Variants in ZNF277 observed in about 807,000 individuals in gnomAD.
ZNF277 encodes the protein nuclear receptor-interacting factor 4.
A neutral mutation model predicts 60.7 loss-of-function variants in ZNF277; 55 were observed. That is an observed-to-expected ratio of 0.91 (90% CI 0.73 to 1.13). The LOEUF (loss-of-function observed/expected upper bound fraction) is 1.13. ZNF277 is among the 50% of genes most tolerant of loss of function. ZNF277 has a pLI of 0.00. For missense variants in ZNF277, 510 were observed against 523.0 expected (o/e 0.98, Z 0.24); for synonymous variants, 178 against 179.3 (o/e 0.99, Z 0.06).
chr7:112,282,530 C>T (rs560641217), intron 1 of ZNF277, among the ~76,000 whole-genome samples: 34 of 152,372 alleles, frequency 2.2e-4, no homozygotes, highest in African/African-American at 6.5e-4. Flanking sequence ...TGGGAGGCTT[C>T]GCCTTAACTC....
intron 1 of ZNF277, among the ~76,000 whole-genome samples, chr7:112,244,182 C>A (rs1339200100): frequency 2.6e-5 from 4 of 152,050 alleles, no homozygotes; most frequent in Non-Finnish European, 5.9e-5. Flanking sequence ...CTAATGGGTA[C>A]AATGTACACT....
chr7:112,212,959 G>A (rs1821790823), intron 1 of ZNF277, among the ~76,000 whole-genome samples: 1 of 152,096 alleles, frequency 6.6e-6, no homozygotes, highest in South Asian at 2.1e-4. Context: ...ATAGGCCGTG[G>A]GATGTCAGAG....
At chr7:112,309,311 A>G (rs898962201) in intron 4 of ZNF277, among the ~76,000 whole-genome samples, 1 of 152,080 alleles carries the variant, frequency 6.6e-6, no homozygotes, top group Non-Finnish European at 1.5e-5. Context: ...GACAGATTCA[A>G]GATTATAACC....
chr7:112,269,628 G>A (rs1791624908), intron 1 of ZNF277, among the ~76,000 whole-genome samples: 1 of 152,058 alleles, frequency 6.6e-6, no homozygotes, highest in Non-Finnish European at 1.5e-5. Flanking sequence ...TAAAGAGGAT[G>A]CCTTGGTAGA....
chr7:112,209,004 G>T (rs566898088), intron 1 of ZNF277, among the ~76,000 whole-genome samples: 2 of 152,210 alleles, frequency 1.3e-5, no homozygotes, highest in African/African-American at 4.8e-5. Flanking sequence ...ATAATAAAAA[G>T]GGATAAATCT....
At chr7:112,277,897 T>A (rs753935076) in intron 1 of ZNF277, among the ~76,000 whole-genome samples, 21 of 152,352 alleles carry the variant, frequency 1.4e-4, no homozygotes, top group Non-Finnish European at 2.8e-4. Context: ...AAAACATATG[T>A]TTGACTAAAA....
intron 9 of ZNF277, among the ~76,000 whole-genome samples, chr7:112,338,653 G>T (rs552671405): frequency 6.6e-6 from 1 of 152,226 alleles, no homozygotes; most frequent in East Asian, 1.9e-4. Flanking sequence ...CCTAGAAAGC[G>T]CTCAAAAGAC....
intron 1 of ZNF277, among the ~76,000 whole-genome samples, chr7:112,269,215 T>TG (rs1190494785): frequency 2.6e-5 from 4 of 151,690 alleles, no homozygotes; most frequent in Admixed American, 2.0e-4. Context: ...TTTTTGTTTT[T>TG]TTTTTGTTTG....
chr7:112,247,274 A>C (rs1436279849), intron 1 of ZNF277, among the ~76,000 whole-genome samples: 2 of 152,138 alleles, frequency 1.3e-5, no homozygotes, highest in Non-Finnish European at 2.9e-5. Context: ...TGAGCTCTCT[A>C]CTTGTATTCA....
intron 5 of ZNF277, among the ~76,000 whole-genome samples, chr7:112,325,639 G>GT (rs1793076620): frequency 6.6e-6 from 1 of 152,168 alleles, no homozygotes; most frequent in Non-Finnish European, 1.5e-5. Flanking sequence ...ACATGGGCTT[G>GT]TTCTCTGGGG....
intron 4 of ZNF277, among the ~76,000 whole-genome samples, chr7:112,302,007 CT>C (rs1792482868): frequency 6.6e-6 from 1 of 152,004 alleles, no homozygotes. Context: ...TCAGTTTTTC[CT>C]TTGTCTACAG....
chr7:112,342,140 C>T (rs974119669), intron 11 of ZNF277, among the ~76,000 whole-genome samples: 1 of 152,086 alleles, frequency 6.6e-6, no homozygotes, highest in Non-Finnish European at 1.5e-5. Flanking sequence ...TAAGGAAGAA[C>T]TAGGACCTTT....
intron 1 of ZNF277, among the ~76,000 whole-genome samples, chr7:112,280,587 C>A (rs1235537694): frequency 6.6e-6 from 1 of 151,764 alleles, no homozygotes; most frequent in Admixed American, 6.6e-5. Flanking sequence ...TTTTAGGGTT[C>A]AAGGTCCCTG....
chr7:112,249,744 A>G (rs969402386), intron 1 of ZNF277, among the ~76,000 whole-genome samples: 34 of 152,198 alleles, frequency 2.2e-4, no homozygotes, highest in Non-Finnish European at 3.5e-4. Flanking sequence ...CTTTACTGCA[A>G]TCTCTAAACA....
chr7:112,291,826 A>ATGT (rs1416659827), intron 2 of ZNF277, among the ~76,000 whole-genome samples: 5 of 152,172 alleles, frequency 3.3e-5, no homozygotes, highest in Admixed American at 2.0e-4. Flanking sequence ...GGTCAAATGT[A>ATGT]TGTTGTTGTT....
chr7:112,318,318 A>T (rs774135691), intron 5 of ZNF277, 45 bp downstream of exon 5: 1 of 1,506,852 alleles, frequency 6.6e-7, no homozygotes, highest in East Asian at 2.3e-5. Flanking sequence ...TTAATCTGAA[A>T]ACTCATCAGA....
chr7:112,319,415 T>A (rs538206454), intron 5 of ZNF277, among the ~76,000 whole-genome samples: 1 of 152,072 alleles, frequency 6.6e-6, no homozygotes, highest in South Asian at 2.1e-4. Flanking sequence ...CAGCAATGTT[T>A]ACAAATATAC....
chr7:112,214,678 C>T (rs1821836132), intron 1 of ZNF277, among the ~76,000 whole-genome samples: 4 of 152,126 alleles, frequency 2.6e-5, no homozygotes, highest in Admixed American at 2.6e-4. Context: ...GGATTTAAAC[C>T]TTTGCTTCAT....
intron 7 of ZNF277, 112 bp from the exon 8 acceptor site, chr7:112,335,992 A>T: frequency 1.3e-6 from 1 of 770,124 alleles, no homozygotes; most frequent in Non-Finnish European, 2.1e-6. Flanking sequence ...AAAACCATTT[A>T]AACATGGGTG....
Sources: allele counts gnomAD v4.1 joint callset (sites outside exome capture counted in the v4.1 genomes callset), GRCh38; gene constraint gnomAD v4.1.1; transcripts MANE v1.5; gene names NCBI Gene and HGNC (gene_info 2026-07-23, HGNC 2026-07-21).